NTN4: variants seen among roughly 807,000 people sequenced by gnomAD.
NTN4 encodes the protein netrin 4.
A neutral mutation model predicts 73.6 loss-of-function variants in NTN4; 32 were observed. The ratio of observed to expected loss-of-function variants is 0.44; its 90% CI spans 0.33 to 0.58. The LOEUF is 0.58. Ranked by LOEUF, NTN4 falls within the 20% of genes least tolerant of loss-of-function variation. The pLI, the probability that NTN4 is intolerant of heterozygous loss-of-function variation, is 0.04. For synonymous variants in NTN4, 258 were observed against 287.5 expected (o/e 0.90, Z 1.04); for missense variants, 654 against 798.3 (o/e 0.82, Z 2.18).
chr12:95,713,861 G>A (rs1001296296), intron 3 of NTN4, among the ~76,000 whole-genome samples: 7 of 151,758 alleles, frequency 4.6e-5, no homozygotes, highest in Non-Finnish European at 4.4e-5. Context: ...ATGGCACCCC[G>A]TATGATGTAC....
intron 2 of NTN4, among the ~76,000 whole-genome samples, chr12:95,786,160 A>G (rs2079165866): frequency 6.6e-6 from 1 of 152,160 alleles, no homozygotes; most frequent in Non-Finnish European, 1.5e-5. Flanking sequence ...CTGAATCAGT[A>G]TTTCTTCATC....
At chr12:95,779,020 A>G (rs974501956) in intron 2 of NTN4, among the ~76,000 whole-genome samples, 1 of 152,232 alleles carries the variant, frequency 6.6e-6, no homozygotes, top group Admixed American at 6.5e-5. Flanking sequence ...AAATCAATAA[A>G]TGTAATCCAG....
chr12:95,667,878 AT>A (rs1464368020), intron 8 of NTN4, among the ~76,000 whole-genome samples: 1 of 151,792 alleles, frequency 6.6e-6, no homozygotes, highest in Non-Finnish European at 1.5e-5. Flanking sequence ...AAATAAATAA[AT>A]AAATAAATAA....
intron 3 of NTN4, among the ~76,000 whole-genome samples, chr12:95,726,784 A>T (rs1034741653): frequency 1.3e-5 from 2 of 152,086 alleles, no homozygotes; most frequent in Non-Finnish European, 1.5e-5. Context: ...TCAGCCTTCA[A>T]CATGGTGAAA....
chr12:95,741,497 ATTGTTATATCCTC>A, intron 2 of NTN4, among the ~76,000 whole-genome samples: 1 of 121,762 alleles, frequency 8.2e-6, no homozygotes, highest in East Asian at 2.6e-4. Context: ...AACCTGGAGG[ATTGTTATATCCTC>A]TTGATGAAGT....
intron 2 of NTN4, among the ~76,000 whole-genome samples, chr12:95,742,856 C>T (rs147921705): frequency 3.4e-4 from 52 of 152,344 alleles, no homozygotes; most frequent in African/African-American, 1.2e-3. Context: ...AATGAATCAA[C>T]TATTTCTCCA....
At position 95,787,369 on chromosome 12, in the gene NTN4, G is replaced by A. The variant is rs766923469; in HGVS notation, c.155C>T (p.Thr52Ile). 34 of 1,614,214 alleles carry A rather than the reference G, an allele frequency of 2.1e-5. 1 individual carries two copies. In the South Asian group the frequency reaches 3.7e-4, roughly 18 times the overall value. ...CAGTTCGGTAGCATTCTGACCGCAGGTGGTGTCTGCCCAGAGTTTTCGCCC... is the reference window on the plus strand; with the variant it reads ...CAGTTCGGTAGCATTCTGACCGCAGATGGTGTCTGCCCAGAGTTTTCGCCC... ...ALGRKLWADTTCGQNATELYC... is the reference protein window; with the variant it reads ...ALGRKLWADTICGQNATELYC... Residue 52 changes from threonine (T) to isoleucine (I), a missense_variant, in exon 2 of 10, where the codon ACC becomes ATC. Coordinates refer to ENST00000343702, the MANE Select transcript of NTN4 (RefSeq NM_021229.4).
In NTN4 at chr12:95,752,558, T is replaced by C. The variant is rs553430021; in HGVS notation, c.586-14414A>G. Among the ~76,000 whole-genome samples, 280 of 152,096 alleles carry C rather than the reference T, an allele frequency of 1.8e-3. 1 individual carries two copies. Among genetic ancestry groups the C allele is most frequent in the African/African-American group, 6.3e-3 (261 of 41,506 alleles). ...TCACAGACAGCCCCCATTACTTCAA[T>C]CAAGCCCAAATTTCTTCCTCATCTG... is the stretch of plus-strand genomic sequence containing the variant. On this transcript the variant is annotated intron_variant, in intron 2 of 9. Transcript: ENST00000343702.
chr12:95,696,810 C>T (rs1303820748), intron 5 of NTN4, among the ~76,000 whole-genome samples: 3 of 152,118 alleles, frequency 2.0e-5, no homozygotes, highest in Non-Finnish European at 2.9e-5. Flanking sequence ...TCTGCACCTT[C>T]CCAGAGCAAG....
At chr12:95,678,002 A>C (rs571549503) in intron 7 of NTN4, among the ~76,000 whole-genome samples, 3 of 152,364 alleles carry the variant, frequency 2.0e-5, no homozygotes, top group East Asian at 3.9e-4. Context: ...AATACTACGC[A>C]GCCATAAAAA....
chr12:95,790,279 A>C lies in NTN4; in HGVS notation c.31T>G (p.Trp11Gly). 1.3e-6 allele frequency: 2 copies of C among 1,535,396 alleles called. No homozygotes were observed. Among genetic ancestry groups the C allele is most frequent in the Non-Finnish European group, 1.8e-6 (2 of 1,141,180 alleles). The stretch of plus-strand genomic sequence containing the variant: ...CCTGCGGCCACCACCGTGCAGCCCC[A>C]GAGCAGCAGCAGCCGCGCGCAGCTC... MGSCARLLLL[W>G]GCTVVAAGLS... Residue 11 changes from tryptophan (W) to glycine (G), a missense_variant, in exon 1 of 10, where the codon TGG (tryptophan) becomes GGG (glycine). Transcript: ENST00000343702. The surrounding 1 kb of genome is among the most constrained non-coding windows in gnomAD (Gnocchi z 6.5).
chr12:95,790,478 G>A lies in NTN4; in HGVS notation c.-169C>T. On this transcript the variant is annotated 5_prime_UTR_variant, in exon 1 of 10. Transcript: ENST00000343702. The surrounding 1 kb of genome is among the most constrained non-coding windows in gnomAD (Gnocchi z 6.5). The stretch of plus-strand genomic sequence containing the variant: ...CGGTCGCCGGCAGCTGGGAGCCAGG[G>A]GCCGGGACCGCGCGGGGAGGTGGGG... 3 of 515,914 alleles carry A rather than the reference G, an allele frequency of 5.8e-6. No individual in the cohort carries two copies. Among genetic ancestry groups the A allele is most frequent in the Non-Finnish European group, 9.7e-6 (3 of 308,084 alleles). 32.0% of individuals were successfully genotyped at this position (515,914 alleles called of 1,614,324 possible).
In NTN4 at chr12:95,676,157, G is replaced by A. The variant is rs146789724; in HGVS notation, c.1511-6011C>T. On this transcript the variant is annotated intron_variant, in intron 7 of 9. Transcript: ENST00000343702. ...CTCCCTCTGTCACCCAGGCTGGAGT[G>A]CAGTAGCCTGATCTCACTTTACTGC... Among the ~76,000 whole-genome samples the A allele has an allele frequency of 6.5e-4, 99 of 152,246 alleles. 1 individual carries two copies. The highest frequency in any genetic ancestry group is 2.4e-3 in the African/African-American group (98 of 41,548).
At chr12:95,670,002 G>C in intron 8 of NTN4, 76 bp downstream of exon 8, 1 of 757,040 alleles carries the variant, frequency 1.3e-6, no homozygotes, top group Admixed American at 2.5e-5. Flanking sequence ...CATCAGTCAG[G>C]CCTCCCATTT....
intron 3 of NTN4, among the ~76,000 whole-genome samples, chr12:95,732,615 C>CA: frequency 6.6e-6 from 1 of 152,156 alleles, no homozygotes; most frequent in South Asian, 2.1e-4. Context: ...GTTGGCCGGG[C>CA]AGATCACTCC....
chr12:95,672,021 A>G (rs759280668), intron 7 of NTN4, among the ~76,000 whole-genome samples: 14 of 151,892 alleles, frequency 9.2e-5, no homozygotes, highest in Non-Finnish European at 1.8e-4. Context: ...GGAAGATTAT[A>G]GAGATAAAAG....
In NTN4 at chr12:95,682,714, T is replaced by C. The variant is rs751961561; in HGVS notation, c.1503A>G (p.Leu501=). ...WEDAQGFSAL[L]HSGKCECKEQ... is the part of the protein sequence containing the mutation. ...TGGTTACATCCATCTCACCTGAGTG[T>C]AGAAGTGCAGAAAACCCCTGCGCAT... Residue 501 remains leucine (L), a synonymous_variant, in exon 7 of 10, where the codon CTA becomes CTG. Coordinates refer to ENST00000343702, the MANE Select transcript of NTN4 (RefSeq NM_021229.4). 2 of 1,608,728 alleles carry C rather than the reference T, an allele frequency of 1.2e-6. No individual in the cohort carries two copies. The highest frequency in any genetic ancestry group is 8.5e-7 in the Non-Finnish European group (1 of 1,175,256).
intron 5 of NTN4, among the ~76,000 whole-genome samples, chr12:95,695,266 CT>C (rs1283109084): frequency 6.6e-6 from 1 of 152,130 alleles, no homozygotes; most frequent in Non-Finnish European, 1.5e-5. Flanking sequence ...TGAGATCTGC[CT>C]CTAAAGCTTT....
intron 5 of NTN4, among the ~76,000 whole-genome samples, chr12:95,700,814 CTTT>C (rs71911993): frequency 6.9e-4 from 74 of 107,526 alleles, no homozygotes; most frequent in Non-Finnish European, 7.5e-4. Flanking sequence ...TTCTTTCTTT[CTTT>C]TTTTTTTTTT....
Sources: gnomAD v4.1 joint callset for allele counts (sites outside exome capture counted in the v4.1 genomes callset) on GRCh38, gnomAD v4.1.1 for gene constraint, Gnocchi (gnomAD v3.1) non-coding constraint, MANE v1.5 for transcripts, NCBI Gene and HGNC (gene_info 2026-07-23, HGNC 2026-07-21) for gene names.